Variants in OR3A2 observed in about 807,000 individuals in gnomAD.
OR3A2 encodes the protein olfactory receptor family 3 subfamily A member 2.
For synonymous variants in OR3A2, 126 were observed against 159.3 expected (o/e 0.79, Z 1.57); for missense variants, 318 against 392.8 (o/e 0.81, Z 1.61).
Position 3,338,675 on chromosome 17 carries a change from C to T in OR3A2, c.-178-2549G>A, listed in dbSNP as rs533052015. On this transcript the variant is annotated intron_variant, in intron 2 of 4. Transcript: ENST00000573491. ...ACCATGCTGTTTTGGTTACTGCAGC[C>T]GTGTAGTATAGTTTGAAGTCAGGTA... Among the ~76,000 whole-genome samples, 11 of 152,162 alleles carry T rather than the reference C, an allele frequency of 7.2e-5. No homozygotes were observed. The East Asian group carries it at 9.7e-4, about 13-fold the overall frequency.
At chr17:3,379,197 GC>G (rs1193089379) in intron 2 of OR3A2, among the ~76,000 whole-genome samples, 1 of 152,134 alleles carries the variant, frequency 6.6e-6, no homozygotes, top group Non-Finnish European at 1.5e-5. Context: ...AAGGCATATG[GC>G]CCAGGTAGAG....
At chr17:3,299,796 A>C (rs1056818059) in intron 3 of OR3A2, among the ~76,000 whole-genome samples, 1 of 152,190 alleles carries the variant, frequency 6.6e-6, no homozygotes, top group Admixed American at 6.5e-5. Flanking sequence ...CTGGCCTTCC[A>C]TTTCTTCATG....
At chr17:3,325,155 G>A (rs1047805417) in intron 3 of OR3A2, among the ~76,000 whole-genome samples, 4 of 149,846 alleles carry the variant, frequency 2.7e-5, no homozygotes, top group Non-Finnish European at 5.9e-5. Context: ...GTGATAAAGG[G>A]GTACAACTTT....
intron 2 of OR3A2, among the ~76,000 whole-genome samples, chr17:3,379,712 G>T (rs952664719): frequency 6.6e-6 from 1 of 152,140 alleles, no homozygotes; most frequent in Non-Finnish European, 1.5e-5. Context: ...AGGGGTGATG[G>T]TTGTAGCTCA....
chr17:3,329,547 C>A (rs4790134), intron 3 of OR3A2, among the ~76,000 whole-genome samples: 1 of 111,298 alleles, frequency 9.0e-6, no homozygotes, highest in Non-Finnish European at 1.8e-5. Flanking sequence ...TCTGTGGGAT[C>A]GGTGGTGATA....
intron 2 of OR3A2, among the ~76,000 whole-genome samples, chr17:3,337,130 C>G: frequency 6.6e-6 from 1 of 152,274 alleles, no homozygotes; most frequent in South Asian, 2.1e-4. Context: ...TTTTATTTAA[C>G]CTTCATTTTT....
intron 2 of OR3A2, among the ~76,000 whole-genome samples, chr17:3,362,037 G>T (rs1205911472): frequency 1.3e-5 from 2 of 151,586 alleles, no homozygotes; most frequent in Non-Finnish European, 2.9e-5. Flanking sequence ...CTGTGAATCC[G>T]TCTAGTCCTG....
At chr17:3,319,352 T>A (rs1238103625) in intron 3 of OR3A2, among the ~76,000 whole-genome samples, 1 of 152,070 alleles carries the variant, frequency 6.6e-6, no homozygotes, top group Non-Finnish European at 1.5e-5. Context: ...AAAATTTATA[T>A]TATTTTTATT....
At chr17:3,326,687 A>G (rs1484681106) in intron 3 of OR3A2, among the ~76,000 whole-genome samples, 5 of 137,402 alleles carry the variant, frequency 3.6e-5, no homozygotes, top group East Asian at 2.3e-4. Context: ...ATATCTCCCA[A>G]TGCTATCCCT....
chr17:3,294,539 A>T (rs1282389781), intron 3 of OR3A2, among the ~76,000 whole-genome samples: 1 of 152,212 alleles, frequency 6.6e-6, no homozygotes, highest in Non-Finnish European at 1.5e-5. Flanking sequence ...AATTTTAATT[A>T]AAAAATTACA....
chr17:3,376,432 G>A (rs1379847454), intron 2 of OR3A2, among the ~76,000 whole-genome samples: 2 of 152,150 alleles, frequency 1.3e-5, no homozygotes, highest in Non-Finnish European at 2.9e-5. Flanking sequence ...GTGGGTCTGA[G>A]CACAGACTCT....
At chr17:3,371,881 C>G (rs1194418666) in intron 2 of OR3A2, among the ~76,000 whole-genome samples, 1 of 143,836 alleles carries the variant, frequency 7.0e-6, no homozygotes, top group African/African-American at 2.6e-5. Context: ...GGGAGCTGAC[C>G]CCCCCACCTC....
intron 3 of OR3A2, among the ~76,000 whole-genome samples, chr17:3,326,689 G>A (rs1228782941): frequency 2.2e-5 from 3 of 139,028 alleles, no homozygotes; most frequent in South Asian, 2.6e-4. Context: ...ATCTCCCAAT[G>A]CTATCCCTCC....
At chr17:3,276,294 G>A (rs2048734611), downstream of OR3A2, among the ~76,000 whole-genome samples, 1 of 152,026 alleles carries the variant, frequency 6.6e-6, no homozygotes, top group South Asian at 2.1e-4. Context: ...AGATTGTATG[G>A]CACAATATGC....
chr17:3,371,854 G>C lies in OR3A2; in HGVS notation c.-179+11950C>G. 1.4e-5 allele frequency among the ~76,000 whole-genome samples: 2 copies of C among 141,928 alleles called. 1 individual carries two copies. The highest frequency in any genetic ancestry group is 3.1e-5 in the Non-Finnish European group (2 of 64,850). 93.1% of individuals were successfully genotyped at this position (141,928 alleles called of 152,430 possible). On this transcript the variant is annotated intron_variant, in intron 2 of 4. Coordinates refer to the OR3A2 transcript ENST00000573491. ...CTCCCCACCACCTCCCGCCCGGACG[G>C]GGCGGCTGGCCGGGAGGGGAGCTGA...
At chr17:3,339,159 G>A (rs1263768730) in intron 2 of OR3A2, among the ~76,000 whole-genome samples, 1 of 152,210 alleles carries the variant, frequency 6.6e-6, no homozygotes, top group African/African-American at 2.4e-5. Context: ...AGCTTAAGGA[G>A]ATTTTGGGCT....
At chr17:3,298,849 A>G (rs150393877) in intron 3 of OR3A2, among the ~76,000 whole-genome samples, 2 of 152,282 alleles carry the variant, frequency 1.3e-5, no homozygotes, top group South Asian at 4.1e-4. Context: ...GCCAGAAATG[A>G]GATCATCCAG....
intron 2 of OR3A2, among the ~76,000 whole-genome samples, chr17:3,368,231 T>G (rs1240599171): frequency 6.6e-6 from 1 of 152,222 alleles, no homozygotes; most frequent in African/African-American, 2.4e-5. Flanking sequence ...ATAAGCTTTT[T>G]AGTTTAATTA....
At chr17:3,298,149 G>A (rs2048934952) in intron 3 of OR3A2, 1 of 152,098 alleles carries the variant, frequency 6.6e-6, no homozygotes, top group South Asian at 2.1e-4. Context: ...GAATAAATAA[G>A]AATAGGCTAG....
Sources: allele counts gnomAD v4.1 joint callset (sites outside exome capture counted in the v4.1 genomes callset), GRCh38; gene constraint gnomAD v4.1.1; transcripts MANE v1.5; gene names NCBI Gene and HGNC (gene_info 2026-07-23, HGNC 2026-07-21).